Variants in ZNF484 observed in about 807,000 individuals in gnomAD.
ZNF484 encodes zinc finger protein 484.
ZNF484 carries 11 observed loss-of-function variants against 12.9 expected under a neutral mutation model. That is an observed-to-expected ratio of 0.85 (90% CI 0.54 to 1.41). ZNF484 has a LOEUF of 1.41. Ranked by LOEUF, ZNF484 falls within the 40% of genes most tolerant of loss-of-function variation. The pLI, the probability that ZNF484 is intolerant of heterozygous loss-of-function variation, is 0.00. For synonymous variants in ZNF484, 289 were observed against 334.1 expected, an observed-to-expected ratio of 0.86 and a Z score of 1.47; for missense variants, 807 against 1,007.7, an observed-to-expected ratio of 0.80 and a Z score of 2.70.
At chr9:92,863,125 A>G (rs1856870583) in intron 2 of ZNF484, among the ~76,000 whole-genome samples, 1 of 152,102 alleles carries the variant, frequency 6.6e-6, no homozygotes, top group Admixed American at 6.5e-5. Flanking sequence ...AGGGACATGC[A>G]GGGAGCTGGA....
In ZNF484 at chr9:92,857,560, C is replaced by G. The variant is rs143017469; in HGVS notation, c.16-1242G>C. On this transcript the variant is annotated intron_variant, in intron 2 of 4. Transcript: ENST00000375495. ...GTTAAGAAAATAGTTGGGCATCTAT[C>G]AGGAAGAGGGTCTTTAGAGGACAAA... 7.9e-5 allele frequency among the ~76,000 whole-genome samples: 12 copies of G among 152,264 alleles called. No homozygotes were observed. In the East Asian group the frequency reaches 2.3e-3, roughly 29 times the overall value.
rs1446133225 is a variant in ZNF484, at chr9:92,844,719, AG to A, written c.*1508del. Among the ~76,000 whole-genome samples, 1 of 152,250 alleles carries A rather than the reference AG, an allele frequency of 6.6e-6. No homozygotes were observed. Among genetic ancestry groups the A allele is most frequent in the Non-Finnish European group, 1.5e-5 (1 of 68,044 alleles). On this transcript the variant is annotated 3_prime_UTR_variant, in exon 5 of 5. Transcript: ENST00000375495. ...CAGTAAAAGTATCCTTCAAAAATGA[AG>A]GCAAAATAAAACACTGCCAACAAAT...
intron 1 of ZNF484, 22 bp from the exon 2 acceptor site, chr9:92,875,081 G>A (rs1857714751): frequency 1.9e-6 from 3 of 1,611,146 alleles, no homozygotes; most frequent in Non-Finnish European, 2.5e-6. Context: ...GATGGGTAGA[G>A]GTACCCATGA....
chr9:92,877,645 G>A (rs1041004296), intron 1 of ZNF484, among the ~76,000 whole-genome samples: 13 of 151,334 alleles, frequency 8.6e-5, no homozygotes, highest in Admixed American at 8.6e-4. Flanking sequence ...CCCACAGTCC[G>A]CCCTCACTCC....
rs904579595 is a variant in ZNF484, at chr9:92,877,854, T to G, written c.-31+36A>C. 19 of 1,535,702 alleles carry G rather than the reference T, an allele frequency of 1.2e-5. No individual in the cohort carries two copies. The African/African-American group carries it at 2.6e-4, about 21-fold the overall frequency. Reference sequence around the variant, plus strand: ...CAGGACAGACATCAGAGATTCTTCTTGCTCAGTCCACAGATGCTGCCATCC... The same window carrying G: ...CAGGACAGACATCAGAGATTCTTCTGGCTCAGTCCACAGATGCTGCCATCC... On this transcript the variant is annotated intron_variant, in intron 1 of 4. Coordinates refer to ENST00000375495, the MANE Select transcript of ZNF484 (RefSeq NM_031486.4).
At chr9:92,856,360 G>A (rs1392362550) in intron 2 of ZNF484, 42 bp from the exon 3 acceptor site, 110 of 1,409,204 alleles carry the variant, frequency 7.8e-5, no homozygotes, top group East Asian at 3.1e-4. Flanking sequence ...ATTTTTTAAA[G>A]AATATATTTG....
At chr9:92,870,201 C>G (rs1857347450) in intron 2 of ZNF484, among the ~76,000 whole-genome samples, 1 of 152,204 alleles carries the variant, frequency 6.6e-6, no homozygotes, top group Non-Finnish European at 1.5e-5. Context: ...GTAATAAGCT[C>G]TCTGTGTCTT....
rs7872892 is a variant in ZNF484 at position 92,874,601 on chromosome 9, C to T, written c.15+414G>A. ...TGCTGGGACTACAGGTGTGAGCCACCGCGCCTGGCCTGTTAGTGCACTTTC... is the reference window on the plus strand; with the variant it reads ...TGCTGGGACTACAGGTGTGAGCCACTGCGCCTGGCCTGTTAGTGCACTTTC... On this transcript the variant is annotated intron_variant, in intron 2 of 4. Coordinates refer to ENST00000375495, the MANE Select transcript of ZNF484 (RefSeq NM_031486.4). Among the ~76,000 whole-genome samples, 11 of 151,998 alleles carry T rather than the reference C, an allele frequency of 7.2e-5. No individual in the cohort carries two copies. In the South Asian group the frequency reaches 1.5e-3, roughly 20 times the overall value.
intron 3 of ZNF484, 59 bp from the exon 4 acceptor site, chr9:92,855,962 T>C (rs1856422847): frequency 2.4e-5 from 38 of 1,573,524 alleles, no homozygotes; most frequent in Non-Finnish European, 3.2e-5. Flanking sequence ...AAGCATTCCA[T>C]TTTTTTCCCA....
chr9:92,877,578 C>G (rs1185386943), intron 1 of ZNF484, among the ~76,000 whole-genome samples: 2 of 152,010 alleles, frequency 1.3e-5, no homozygotes, highest in Admixed American at 1.3e-4. Flanking sequence ...TTAAGATGTG[C>G]ATCATTCACA....
chr9:92,864,724 C>CA (rs1856968628), intron 2 of ZNF484, among the ~76,000 whole-genome samples: 2 of 152,018 alleles, frequency 1.3e-5, no homozygotes, highest in South Asian at 4.1e-4. Context: ...ATACATAAAA[C>CA]AAAAGTTGAC....
intron 4 of ZNF484, among the ~76,000 whole-genome samples, chr9:92,849,069 C>G (rs1274689433): frequency 1.3e-5 from 2 of 151,870 alleles, no homozygotes; most frequent in African/African-American, 4.8e-5. Context: ...GAAGACCAGC[C>G]TGGCCAACAT....
intron 2 of ZNF484, among the ~76,000 whole-genome samples, chr9:92,861,813 G>A (rs1564110244): frequency 6.6e-6 from 1 of 152,090 alleles, no homozygotes; most frequent in Non-Finnish European, 1.5e-5. Context: ...CTGGTAAAAG[G>A]CATAAATGTA....
Position 92,847,356 on chromosome 9 carries a change from G to A in ZNF484, c.1431C>T (p.Phe477=). The change falls in exon 5 of 5, where the codon TTC becomes TTT. Residue 477 remains phenylalanine, a synonymous_variant. Coordinates refer to ENST00000375495, the MANE Select transcript of ZNF484 (RefSeq NM_031486.4). ...GTATAATGAGATTTGTCTTGTGAGT[G>A]AAGACCTTCCCACATTCTGAACATA... ...PFICSECGKV[F]THKTNLIIHQ... 1.2e-6 allele frequency: 2 copies of A among 1,613,724 alleles called. No homozygotes were observed. Among genetic ancestry groups the A allele is most frequent in the African/African-American group, 1.3e-5 (1 of 74,956 alleles).
At chr9:92,857,423 A>G (rs1009668025) in intron 2 of ZNF484, among the ~76,000 whole-genome samples, 1 of 152,094 alleles carries the variant, frequency 6.6e-6, no homozygotes, top group African/African-American at 2.4e-5. Flanking sequence ...CATAACTCAA[A>G]CACATGGCCA....
intron 1 of ZNF484, 108 bp downstream of exon 1, chr9:92,877,782 T>G: frequency 1.3e-6 from 2 of 1,535,486 alleles, no homozygotes; most frequent in Non-Finnish European, 1.7e-6. Context: ...TCGCTCCGAC[T>G]TCCACTATTC....
intron 2 of ZNF484, among the ~76,000 whole-genome samples, chr9:92,872,453 G>A (rs1857501467): frequency 1.2e-5 from 1 of 82,316 alleles, no homozygotes; most frequent in Non-Finnish European, 2.1e-5. Context: ...TCGCGCCATT[G>A]CACTCCAGCC....
At chr9:92,876,446 A>G (rs1462922417) in intron 1 of ZNF484, among the ~76,000 whole-genome samples, 1 of 152,236 alleles carries the variant, frequency 6.6e-6, no homozygotes. Flanking sequence ...AAAAAGCAAA[A>G]GTATCTATTG....
chr9:92,872,001 C>A (rs1025176935), intron 2 of ZNF484, among the ~76,000 whole-genome samples: 7 of 152,056 alleles, frequency 4.6e-5, no homozygotes, highest in African/African-American at 1.7e-4. Flanking sequence ...AGGGCCAATG[C>A]GGGCGGATCG....
Sources: allele counts gnomAD v4.1 joint callset (sites outside exome capture counted in the v4.1 genomes callset), GRCh38; gene constraint gnomAD v4.1.1; transcripts MANE v1.5; gene names NCBI Gene and HGNC (gene_info 2026-07-23, HGNC 2026-07-21).